ZRANB3: variants seen among roughly 807,000 people sequenced by gnomAD.
The protein encoded by ZRANB3 is zinc finger RANBP2-type containing 3, also known as DNA annealing helicase and endonuclease ZRANB3.
Under a neutral mutation model 133.8 loss-of-function variants are expected in ZRANB3, and 125 were observed. The ratio of observed to expected loss-of-function variants is 0.93; its 90% CI spans 0.81 to 1.08. The LOEUF is 1.08. Among genes scored for constraint, ZRANB3 ranks in the 50% least tolerant of loss-of-function variants. ZRANB3 has a pLI of 0.00. For synonymous variants in ZRANB3, 387 were observed against 432.7 expected (o/e 0.89, Z 1.31); for missense variants, 1,229 against 1,275.5 (o/e 0.96, Z 0.56).
rs140078566 is a variant in ZRANB3, at chr2:135,400,344, G to A, written c.162-9524C>T. ...TGATAAATCCATATTTTGTTTCTTTGTCTAGTCTTTTTTTTTCTCTAAATG... is the reference window on the plus strand; with the variant it reads ...TGATAAATCCATATTTTGTTTCTTTATCTAGTCTTTTTTTTTCTCTAAATG... On this transcript the variant is annotated intron_variant, in intron 2 of 20. Transcript: ENST00000264159. Among the ~76,000 whole-genome samples the A allele has an allele frequency of 7.0e-4, 106 of 152,038 alleles. 1 individual carries two copies. The highest frequency in any genetic ancestry group is 2.4e-3 in the African/African-American group (100 of 41,484).
intron 8 of ZRANB3, among the ~76,000 whole-genome samples, chr2:135,301,761 T>C (rs1682441556): frequency 6.6e-6 from 1 of 152,192 alleles, no homozygotes; most frequent in South Asian, 2.1e-4. Flanking sequence ...GGGCCAGGTA[T>C]CTTCTCTCAT....
intron 8 of ZRANB3, among the ~76,000 whole-genome samples, chr2:135,289,088 T>C (rs1453851079): frequency 6.6e-6 from 1 of 152,138 alleles, no homozygotes; most frequent in Non-Finnish European, 1.5e-5. Flanking sequence ...CTCTTAGCAC[T>C]GTTTTTGCTG....
chr2:135,411,215 G>C (rs1688287992), intron 2 of ZRANB3, among the ~76,000 whole-genome samples: 1 of 152,080 alleles, frequency 6.6e-6, no homozygotes, highest in Non-Finnish European at 1.5e-5. Context: ...ACCAACCTGG[G>C]TGACAGAGTG....
chr2:135,206,676 A>AGAGGGAAG (rs1693870632), intron 19 of ZRANB3, among the ~76,000 whole-genome samples: 1 of 147,726 alleles, frequency 6.8e-6, no homozygotes, highest in East Asian at 2.1e-4. Flanking sequence ...GGACAAGCAA[A>AGAGGGAAG]GAGGGAAGGA....
At chr2:135,499,524 T>C (rs1247691311) in intron 2 of ZRANB3, among the ~76,000 whole-genome samples, 1 of 151,354 alleles carries the variant, frequency 6.6e-6, no homozygotes, top group Non-Finnish European at 1.5e-5. Flanking sequence ...AAATAGACAA[T>C]CCAGAAGAAA....
rs58937884 is a variant in ZRANB3 at position 135,377,414 on chromosome 2, G to GT, written c.180+13387dup. ...ATCGATCTTCAGTAAAATGAAATTA[G>GT]TTTTTTTTTGAAAAATGACTGATTC... On this transcript the variant is annotated intron_variant, in intron 3 of 20. Transcript: ENST00000264159. Among the ~76,000 whole-genome samples the GT allele has an allele frequency of 9.0e-4, 136 of 151,430 alleles. 1 individual carries two copies. Among genetic ancestry groups the GT allele is most frequent in the African/African-American group, 2.7e-3 (113 of 41,304 alleles).
intron 8 of ZRANB3, among the ~76,000 whole-genome samples, chr2:135,295,215 T>A (rs1478658324): frequency 6.6e-6 from 1 of 152,164 alleles, no homozygotes; most frequent in Admixed American, 6.5e-5. Flanking sequence ...GGAGTCTAAG[T>A]CTCTTTGTAG....
chr2:135,409,908 T>C (rs1184712284), intron 2 of ZRANB3, among the ~76,000 whole-genome samples: 1 of 152,052 alleles, frequency 6.6e-6, no homozygotes, highest in Non-Finnish European at 1.5e-5. Flanking sequence ...TACCTAGGAA[T>C]ACATTTAACT....
chr2:135,208,948 G>C lies in ZRANB3; in HGVS notation c.2526C>G (p.Ala842=), dbSNP rs770967363. Residue 842 remains alanine (A), a synonymous_variant, in exon 18 of 21, where the codon GCC becomes GCG. Coordinates refer to ENST00000264159, the MANE Select transcript of ZRANB3 (RefSeq NM_032143.4). ...RYITKEDVAV[A]SMDKVKNVGG... ...CAACATTCTTCACTTTGTCCATTGA[G>C]GCTACGGCAACATCTTCTTTGGTTA... The C allele has an allele frequency of 6.2e-7, 1 of 1,613,870 alleles. No homozygotes were observed. Among genetic ancestry groups the C allele is most frequent in the Non-Finnish European group, 8.5e-7 (1 of 1,179,852 alleles).
At chr2:135,301,893 T>C (rs1682450322) in intron 8 of ZRANB3, among the ~76,000 whole-genome samples, 1 of 152,218 alleles carries the variant, frequency 6.6e-6, no homozygotes, top group African/African-American at 2.4e-5. Context: ...CTGTTCACCA[T>C]ACCTCCCTAG....
chr2:135,416,555 T>C (rs1320129510), intron 2 of ZRANB3, among the ~76,000 whole-genome samples: 2 of 151,742 alleles, frequency 1.3e-5, no homozygotes, highest in East Asian at 1.9e-4. Context: ...ATAGATTCAA[T>C]GCCATCCCCA....
At chr2:135,440,779 A>G (rs1689746857) in intron 2 of ZRANB3, among the ~76,000 whole-genome samples, 1 of 152,178 alleles carries the variant, frequency 6.6e-6, no homozygotes, top group South Asian at 2.1e-4. Flanking sequence ...TCTAACCTAC[A>G]AACTGTGAGT....
chr2:135,291,414 C>G (rs1181907002), intron 8 of ZRANB3, among the ~76,000 whole-genome samples: 4 of 151,982 alleles, frequency 2.6e-5, no homozygotes, highest in Non-Finnish European at 4.4e-5. Context: ...AACTCCTGAC[C>G]TCAAGTGATC....
chr2:135,230,014 C>T (rs914981422), intron 13 of ZRANB3, among the ~76,000 whole-genome samples: 8 of 152,082 alleles, frequency 5.3e-5, no homozygotes, highest in Non-Finnish European at 1.0e-4. Context: ...GAAGATTGAT[C>T]CATAGAGGAG....
intron 2 of ZRANB3, among the ~76,000 whole-genome samples, chr2:135,418,640 G>A (rs557375621): frequency 6.6e-6 from 1 of 152,296 alleles, no homozygotes; most frequent in African/African-American, 2.4e-5. Context: ...AAAACTATGA[G>A]AATGGATGAT....
At chr2:135,214,375 A>T (rs1694222897) in intron 17 of ZRANB3, among the ~76,000 whole-genome samples, 1 of 151,976 alleles carries the variant, frequency 6.6e-6, no homozygotes. Context: ...CACAAGTTAT[A>T]TCCTTAATAT....
chr2:135,290,881 G>A (rs779512644), intron 8 of ZRANB3, among the ~76,000 whole-genome samples: 9 of 152,094 alleles, frequency 5.9e-5, no homozygotes, highest in East Asian at 1.9e-4. Context: ...ATTATTCCCC[G>A]AAATAAGTTT....
chr2:135,450,748 A>G (rs900221085), intron 2 of ZRANB3, among the ~76,000 whole-genome samples: 2 of 152,236 alleles, frequency 1.3e-5, no homozygotes, highest in Admixed American at 6.5e-5. Context: ...ATGAAAGCCA[A>G]AGAGTAAGCC....
At position 135,220,337 on chromosome 2, in the gene ZRANB3, C is replaced by CA. The variant is rs200689271; in HGVS notation, c.2251-1160dup. ...ATAGTTGAACTCATATTCTCTCAGC[C>CA]AAAAAAAAAAAAAAGTTACAGCTCC... On this transcript the variant is annotated intron_variant, in intron 15 of 20. Transcript: ENST00000264159. Among the ~76,000 whole-genome samples the CA allele has an allele frequency of 4.4e-3, 580 of 130,780 alleles. 6 individuals carry two copies. Among genetic ancestry groups the CA allele is most frequent in the African/African-American group, 0.012 (425 of 35,548 alleles). 85.8% of individuals were successfully genotyped at this position (130,780 alleles called of 152,430 possible). A position where few individuals can be genotyped will look rare whatever the true frequency, so the allele number is the denominator to read the frequency against.
Sources: gnomAD v4.1 joint callset for allele counts (sites outside exome capture counted in the v4.1 genomes callset) on GRCh38, gnomAD v4.1.1 for gene constraint, MANE v1.5 for transcripts, NCBI Gene and HGNC (gene_info 2026-07-23, HGNC 2026-07-21) for gene names.